The following C2orf76 variants were observed in gnomAD, a reference collection of about 807,000 sequenced individuals.
C2orf76 encodes the protein chromosome 2 open reading frame 76.
C2orf76 carries 23 observed loss-of-function variants against 16.9 expected under a neutral mutation model. The ratio of observed to expected loss-of-function variants is 1.36; its 90% CI spans 0.98 to 1.93. The LOEUF is 1.93. Ranked by LOEUF, C2orf76 falls within the 30% of genes most tolerant of loss-of-function variation. The pLI is 0.00. For synonymous variants in C2orf76, 48 were observed against 52.3 expected, an observed-to-expected ratio of 0.92 and a Z score of 0.35; for missense variants, 152 against 152.6, an observed-to-expected ratio of 1.00 and a Z score of 0.02.
the C2orf76 span, among the ~76,000 whole-genome samples, chr2:119,295,850 C>T: frequency 5.9e-5 from 9 of 152,248 alleles, no homozygotes; most frequent in Middle Eastern, 3.4e-3. Flanking sequence ...GGCAGCAGCA[C>T]GGAATGGAGG....
intron 1 of C2orf76, among the ~76,000 whole-genome samples, chr2:119,342,437 C>T (rs1046129524): frequency 6.6e-6 from 1 of 151,818 alleles, no homozygotes; most frequent in African/African-American, 2.4e-5. Flanking sequence ...GTGGTGAAAC[C>T]CAGCCTCTAA....
At chr2:119,310,611 A>T (rs1678952374) in intron 5 of C2orf76, among the ~76,000 whole-genome samples, 1 of 152,192 alleles carries the variant, frequency 6.6e-6, no homozygotes, top group Admixed American at 6.5e-5. Context: ...ACAAGTGCAT[A>T]TAAATAATTA....
chr2:119,301,139 T>C (rs145981576), downstream of C2orf76, among the ~76,000 whole-genome samples: 3 of 151,664 alleles, frequency 2.0e-5, no homozygotes, highest in East Asian at 5.8e-4. Flanking sequence ...TGATGGCAGC[T>C]TTTTCTGCTA....
At chr2:119,361,750 G>A (rs970749532) in intron 1 of C2orf76, among the ~76,000 whole-genome samples, 2 of 152,104 alleles carry the variant, frequency 1.3e-5, no homozygotes, top group African/African-American at 2.4e-5. Flanking sequence ...GCCTCCATTG[G>A]GGGGGTCTTG....
the C2orf76 span, among the ~76,000 whole-genome samples, chr2:119,282,010 G>T: frequency 6.6e-6 from 1 of 152,144 alleles, no homozygotes; most frequent in Non-Finnish European, 1.5e-5. Context: ...GCCAGGTGTG[G>T]TGGTGGACGC....
chr2:119,299,536 T>C (rs897719671), downstream of C2orf76, among the ~76,000 whole-genome samples: 2 of 152,220 alleles, frequency 1.3e-5, no homozygotes, highest in African/African-American at 4.8e-5. Flanking sequence ...CTCATAGCTG[T>C]GGAGGCTACA....
intron 1 of C2orf76, among the ~76,000 whole-genome samples, chr2:119,355,406 A>AGT (rs1258816614): frequency 3.3e-5 from 5 of 152,216 alleles, no homozygotes; most frequent in Admixed American, 3.3e-4. Context: ...CAGACTGTCC[A>AGT]GTAGCATGAA....
At chr2:119,302,203 T>G (rs1192496029), downstream of C2orf76, 1 of 257,294 alleles carries the variant, frequency 3.9e-6, no homozygotes, top group Non-Finnish European at 7.3e-6. Flanking sequence ...CAAATTATAA[T>G]TTAAGAATCA....
At chr2:119,309,398 C>CTTTTTTT (rs1193022536) in intron 5 of C2orf76, among the ~76,000 whole-genome samples, 500 of 71,414 alleles carry the variant, frequency 7.0e-3, no homozygotes, top group Non-Finnish European at 9.3e-3. Context: ...TTCTCTTTTT[C>CTTTTTTT]TTTTTTTTTT....
chr2:119,324,781 G>A (rs562528562), intron 2 of C2orf76, among the ~76,000 whole-genome samples: 58 of 152,140 alleles, frequency 3.8e-4, no homozygotes, highest in African/African-American at 1.3e-3. Flanking sequence ...CTTCCACAGT[G>A]GCAGAAAGAC....
At chr2:119,300,136 T>G (rs1391539737), downstream of C2orf76, among the ~76,000 whole-genome samples, 1 of 152,224 alleles carries the variant, frequency 6.6e-6, no homozygotes, top group Non-Finnish European at 1.5e-5. Flanking sequence ...TTTACCTCTC[T>G]GGGCCCCAAT....
chr2:119,283,017 A>G, the C2orf76 span, among the ~76,000 whole-genome samples: 3 of 152,192 alleles, frequency 2.0e-5, no homozygotes, highest in African/African-American at 7.2e-5. Flanking sequence ...GCACAGGGGA[A>G]GCTGTGGCAG....
chr2:119,313,258 A>G (rs1679055255), intron 4 of C2orf76, among the ~76,000 whole-genome samples: 2 of 152,144 alleles, frequency 1.3e-5, no homozygotes, highest in South Asian at 2.1e-4. Context: ...GGGGCTTAAA[A>G]CTCCAGAGCA....
the C2orf76 span, among the ~76,000 whole-genome samples, chr2:119,282,915 C>A: frequency 1.8e-4 from 27 of 152,286 alleles, no homozygotes; most frequent in East Asian, 5.8e-4. Context: ...CTCAAGGCTG[C>A]GGGGGGAAAC....
chr2:119,311,731 T>G (rs1456400601), intron 4 of C2orf76, 28 bp from the exon 5 acceptor site: 1 of 1,579,736 alleles, frequency 6.3e-7, no homozygotes, highest in Non-Finnish European at 8.6e-7. Context: ...AATCTGCATT[T>G]TATCAGTACT....
rs1177355565 is a variant in C2orf76 at position 119,319,067 on chromosome 2, A to T, written c.185-1564T>A. 3.3e-5 allele frequency among the ~76,000 whole-genome samples: 5 copies of T among 152,058 alleles called. No individual in the cohort carries two copies. In the East Asian group the frequency reaches 9.6e-4, roughly 29 times the overall value. ...ATATGTTTATTATTTGAGACAAGTG[A>T]GAGAAGCCAATAGTATTTTTAAAAT... On this transcript the variant is annotated intron_variant, in intron 3 of 5. Transcript: ENST00000334816.
intron 1 of C2orf76, among the ~76,000 whole-genome samples, chr2:119,357,978 C>T (rs1573690411): frequency 1.3e-5 from 2 of 152,202 alleles, no homozygotes; most frequent in South Asian, 4.2e-4. Context: ...AATACAAATA[C>T]AAAATACAAT....
intron 1 of C2orf76, among the ~76,000 whole-genome samples, chr2:119,348,545 G>A (rs1328981077): frequency 6.6e-6 from 1 of 152,120 alleles, no homozygotes; most frequent in Non-Finnish European, 1.5e-5. Context: ...AATTAGCCAG[G>A]CGTGGTGGTG....
chr2:119,321,420 A>G (rs561269473), intron 2 of C2orf76, among the ~76,000 whole-genome samples: 2 of 151,944 alleles, frequency 1.3e-5, no homozygotes, highest in Non-Finnish European at 2.9e-5. Flanking sequence ...GTAATCTATT[A>G]AAAAAAATGT....
Sources: allele counts gnomAD v4.1 joint callset (sites outside exome capture counted in the v4.1 genomes callset), GRCh38; gene constraint gnomAD v4.1.1; transcripts MANE v1.5; gene names NCBI Gene and HGNC (gene_info 2026-07-23, HGNC 2026-07-21).